Variants in WDFY3 observed in about 807,000 individuals in gnomAD.
WDFY3 encodes the protein WD repeat and FYVE domain-containing protein 3.
Under a neutral mutation model 409.6 loss-of-function variants are expected in WDFY3, and 66 were observed. That is an observed-to-expected ratio of 0.16 (90% CI 0.13 to 0.20). WDFY3 has a LOEUF of 0.20. Ranked by LOEUF, WDFY3 falls within the 10% of genes least tolerant of loss-of-function variation. WDFY3 has a pLI of 1.00. For missense variants in WDFY3, 3,031 were observed against 4,298.1 expected (o/e 0.71, Z 8.24); for synonymous variants, 1,521 against 1,537.1 (o/e 0.99, Z 0.25).
chr4:84,860,264 G>A, intron 4 of WDFY3, 148 bp downstream of exon 4: 1 of 900,208 alleles, frequency 1.1e-6, no homozygotes, highest in East Asian at 2.7e-5. Context: ...CTGCTTTATA[G>A]CAAATTGAAA....
In WDFY3 at chr4:84,755,348, C is replaced by T; in HGVS notation, c.5477G>A (p.Gly1826Glu). Residue 1826 changes from glycine to glutamate, a missense_variant, in exon 34 of 68, where the codon GGA (glycine) becomes GAA (glutamate). Gly to Glu is a moderately conservative substitution (Grantham distance 98, BLOSUM62 -2). This residue lies in a region of WDFY3 where 342 missense variants were observed against 463.7 expected (regional missense o/e 0.74). Coordinates refer to ENST00000295888, the MANE Select transcript of WDFY3 (RefSeq NM_014991.6). ...GTTATGGATAGAAGAGACCACAGTTCCGCTGGAGGCAGGAACTCCAAAGAT... is the reference window on the plus strand; with the variant it reads ...GTTATGGATAGAAGAGACCACAGTTTCGCTGGAGGCAGGAACTCCAAAGAT... ...TFIFGVPASSGTVVSSIHNVC... is the reference protein window; with the variant it reads ...TFIFGVPASSETVVSSIHNVC... The T allele has an allele frequency of 6.2e-7, 1 of 1,612,098 alleles. No homozygotes were observed.
chr4:84,927,693 T>C (rs1279690351), intron 2 of WDFY3, among the ~76,000 whole-genome samples: 1 of 152,198 alleles, frequency 6.6e-6, no homozygotes, highest in Non-Finnish European at 1.5e-5. Flanking sequence ...TATAAGTGTC[T>C]GGCATTTCCT....
chr4:84,761,626 C>T (rs554105303), intron 32 of WDFY3, among the ~76,000 whole-genome samples: 202 of 152,222 alleles, frequency 1.3e-3, no homozygotes, highest in African/African-American at 4.6e-3. Context: ...TCTAATTAAA[C>T]TAAAGAGCTT....
intron 3 of WDFY3, among the ~76,000 whole-genome samples, chr4:84,863,880 A>C (rs925665487): frequency 6.6e-5 from 10 of 152,144 alleles, no homozygotes; most frequent in African/African-American, 2.4e-4. Flanking sequence ...TGGTGTCTCT[A>C]TTCCATTTCA....
chr4:84,677,540 G>T, intron 66 of WDFY3, 144 bp from the exon 67 acceptor site: 1 of 691,592 alleles, frequency 1.4e-6, no homozygotes, highest in Non-Finnish European at 2.2e-6. Context: ...ACTCAGAGAT[G>T]TATGTGTAAA....
intron 12 of WDFY3, among the ~76,000 whole-genome samples, chr4:84,819,515 C>T (rs1377447589): frequency 6.6e-6 from 1 of 151,974 alleles, no homozygotes; most frequent in Non-Finnish European, 1.5e-5. Context: ...TAATTAAAAT[C>T]TCAAGTAATC....
chr4:84,889,059 C>T (rs1472751924), intron 3 of WDFY3, among the ~76,000 whole-genome samples: 3 of 152,080 alleles, frequency 2.0e-5, no homozygotes, highest in Non-Finnish European at 2.9e-5. Context: ...TTGTGACTAA[C>T]GATCTAAAGT....
chr4:84,854,857 C>T (rs1015415284), intron 4 of WDFY3, among the ~76,000 whole-genome samples: 1 of 152,132 alleles, frequency 6.6e-6, no homozygotes, highest in Non-Finnish European at 1.5e-5. Flanking sequence ...TGCAGTGAGC[C>T]AAGATGGTAC....
At position 84,774,984 on chromosome 4, in the gene WDFY3, A is replaced by G. The variant is rs1423856894; in HGVS notation, c.4593-3T>C. 6.2e-7 allele frequency: 1 copy of G among 1,613,576 alleles called. No homozygotes were observed. Among genetic ancestry groups the G allele is most frequent in the Non-Finnish European group, 8.5e-7 (1 of 1,179,782 alleles). ...ATTTGGCATTCTTTGAGGCTTCACT[A>G]TAAGAGAAAGAAGATTTTATACACT... On this transcript the variant is annotated splice_region_variant and splice_polypyrimidine_tract_variant and intron_variant, in intron 28 of 67. Transcript: ENST00000295888.
intron 1 of WDFY3, among the ~76,000 whole-genome samples, chr4:84,955,620 AAGAT>A (rs528805265): frequency 7.2e-4 from 110 of 152,246 alleles, no homozygotes; most frequent in Non-Finnish European, 9.3e-4. Flanking sequence ...TGGGGAAAGA[AAGAT>A]AGGTGAAGAG....
chr4:84,938,278 T>C (rs1169925171), intron 1 of WDFY3, among the ~76,000 whole-genome samples: 4 of 152,144 alleles, frequency 2.6e-5, no homozygotes, highest in Admixed American at 2.6e-4. Flanking sequence ...AACAAGATAA[T>C]CTAAATAATT....
At chr4:84,772,971 T>C (rs372333037) in intron 29 of WDFY3, 42 bp from the exon 30 acceptor site, 2 of 1,483,044 alleles carry the variant, frequency 1.3e-6, no homozygotes, top group African/African-American at 1.4e-5. Context: ...TTCTTTTTCC[T>C]CTTCCCAAAA....
In WDFY3 at chr4:84,850,926, C is replaced by CTTTT. The variant is rs781440189; in HGVS notation, c.181-902_181-901insAAAA. Among the ~76,000 whole-genome samples the CTTTT allele has an allele frequency of 4.2e-3, 135 of 32,138 alleles. 6 individuals carry two copies. The highest frequency in any genetic ancestry group is 0.012 in the South Asian group (9 of 722). 21.1% of individuals were successfully genotyped at this position (32,138 alleles called of 152,430 possible). A position where few individuals can be genotyped will look rare whatever the true frequency, so the allele number is the denominator to read the frequency against. On this transcript the variant is annotated intron_variant, in intron 4 of 67. Coordinates refer to ENST00000295888, the MANE Select transcript of WDFY3 (RefSeq NM_014991.6). The stretch of plus-strand genomic sequence containing the variant: ...AATTCTTATTTTTAATTTTATTTAT[C>CTTTT]TGTTTTTTTTTTTTTTTTTTTTTTT...
At chr4:84,920,451 T>C (rs999806562) in intron 2 of WDFY3, among the ~76,000 whole-genome samples, 2 of 152,206 alleles carry the variant, frequency 1.3e-5, no homozygotes, top group African/African-American at 2.4e-5. Context: ...AATGTATGCA[T>C]GCATGTATGT....
At chr4:84,904,410 A>C (rs556753353) in intron 2 of WDFY3, among the ~76,000 whole-genome samples, 27 of 152,170 alleles carry the variant, frequency 1.8e-4, no homozygotes, top group African/African-American at 6.3e-4. Flanking sequence ...GAAAACTGAG[A>C]CTCAGAGAGG....
At chr4:84,813,784 A>C (rs1752867684) in intron 13 of WDFY3, among the ~76,000 whole-genome samples, 1 of 152,180 alleles carries the variant, frequency 6.6e-6, no homozygotes, top group African/African-American at 2.4e-5. Context: ...TGTTAAAAAA[A>C]AGTTGGCAAC....
chr4:84,806,972 TACTTAAAAAGG>T (rs1486215921), intron 15 of WDFY3, among the ~76,000 whole-genome samples: 3 of 152,318 alleles, frequency 2.0e-5, no homozygotes, highest in Admixed American at 6.5e-5. Flanking sequence ...ATTTGGTTAA[TACTTAAAAAGG>T]ACTAAATGTT....
At chr4:84,947,860 T>C (rs1773100178) in intron 1 of WDFY3, among the ~76,000 whole-genome samples, 3 of 151,986 alleles carry the variant, frequency 2.0e-5, no homozygotes, top group Non-Finnish European at 4.4e-5. Context: ...TACTCCAGCC[T>C]AGATGAAAGA....
intron 53 of WDFY3, 140 bp downstream of exon 53, chr4:84,708,768 TG>T: frequency 1.2e-6 from 1 of 848,002 alleles, no homozygotes; most frequent in Non-Finnish European, 1.8e-6. Context: ...CTCAAAATCC[TG>T]GGCTCAAGTG....
Sources: allele counts gnomAD v4.1 joint callset (sites outside exome capture counted in the v4.1 genomes callset), GRCh38; gene constraint gnomAD v4.1.1; regional missense constraint gnomAD v4.1.1; transcripts MANE v1.5; gene names NCBI Gene and HGNC (gene_info 2026-07-23, HGNC 2026-07-21).